Variants in UBE4B observed in about 807,000 individuals in gnomAD.
UBE4B encodes the protein ubiquitination factor E4B.
In UBE4B, 27 loss-of-function variants were observed where a neutral mutation model predicts 148.1. The observed-to-expected ratio is 0.18, with a 90% confidence interval of 0.13 to 0.25. The LOEUF (loss-of-function observed/expected upper bound fraction) is 0.25, where lower values mean the gene tolerates loss of function less well. Ranked by LOEUF, UBE4B falls within the 10% of genes least tolerant of loss-of-function variation. The probability of loss-of-function intolerance (pLI) is 1.00; values close to 1 mark genes in which losing one functional copy is unlikely to be tolerated. For synonymous variants in UBE4B, 596 were observed against 619.3 expected (o/e 0.96, Z 0.56); for missense variants, 1,170 against 1,662.4 (o/e 0.70, Z 5.15).
chr1:10,132,321 GT>G (rs1368001818), intron 14 of UBE4B, 47 bp from the exon 15 acceptor site: 1 of 1,488,878 alleles, frequency 6.7e-7, no homozygotes, highest in Middle Eastern at 1.8e-4. Flanking sequence ...AAGGAATCAT[GT>G]GCAAAATAGT....
chr1:10,095,303 T>C (rs1263826279), intron 2 of UBE4B, among the ~76,000 whole-genome samples, 158 bp from the exon 3 acceptor site: 2 of 152,206 alleles, frequency 1.3e-5, no homozygotes, highest in East Asian at 1.9e-4. Context: ...GATTTTATTA[T>C]TGTTTCCAGC....
Position 10,168,353 on chromosome 1 carries a change from G to A in UBE4B, c.3333+83G>A, listed in dbSNP as rs912612915. On this transcript the variant is annotated intron_variant, in intron 24 of 27. Coordinates refer to ENST00000343090, the MANE Select transcript of UBE4B (RefSeq NM_001105562.3). This position sits in a 1 kb window ranked among gnomAD's most constrained non-coding sequence, Gnocchi z 4.9. ...ACTTATAACTTTAGCAGTTGTTGAA[G>A]TTCTGGAAATTTTAGGATCACAGTC... 12 of 1,517,648 alleles carry A rather than the reference G, an allele frequency of 7.9e-6. No homozygotes were observed. Among genetic ancestry groups the A allele is most frequent in the Non-Finnish European group, 1.1e-5 (12 of 1,130,686 alleles). 94.0% of individuals were successfully genotyped at this position (1,517,648 alleles called of 1,614,324 possible). A position where few individuals can be genotyped will look rare whatever the true frequency, so the allele number is the denominator to read the frequency against.
intron 18 of UBE4B, among the ~76,000 whole-genome samples, chr1:10,146,668 C>T (rs1645878200): frequency 6.6e-6 from 1 of 152,104 alleles, no homozygotes; most frequent in African/African-American, 2.4e-5. Context: ...AAGGGCCTCC[C>T]TGTCGCCACC....
intron 1 of UBE4B, among the ~76,000 whole-genome samples, chr1:10,049,579 T>TAA (rs34390177): frequency 1.5e-4 from 22 of 145,534 alleles, no homozygotes; most frequent in South Asian, 6.4e-4. Flanking sequence ...ACCTTTTCTC[T>TAA]AAAAAAAAAA....
In UBE4B at chr1:10,096,449, A is replaced by C. The variant is rs939734545; in HGVS notation, c.347+853A>C. ...GCTAAACAGATGAAGAGGGGAATTA[A>C]GTCCGGGCTCGATGGCTCATGCCTG... On this transcript the variant is annotated intron_variant, in intron 3 of 27. Coordinates refer to ENST00000343090, the MANE Select transcript of UBE4B (RefSeq NM_001105562.3). Among the ~76,000 whole-genome samples, 4 of 152,130 alleles carry C rather than the reference A, an allele frequency of 2.6e-5. No homozygotes were observed. The South Asian group carries it at 8.3e-4, about 32-fold the overall frequency.
At chr1:10,045,055 A>G (rs1643885437) in intron 1 of UBE4B, among the ~76,000 whole-genome samples, 1 of 152,180 alleles carries the variant, frequency 6.6e-6, no homozygotes, top group Non-Finnish European at 1.5e-5. Flanking sequence ...TCTCCTAAGG[A>G]GGGTGCAATG....
At chr1:10,087,161 C>T (rs1644779944) in intron 2 of UBE4B, among the ~76,000 whole-genome samples, 1 of 152,074 alleles carries the variant, frequency 6.6e-6, no homozygotes, top group Non-Finnish European at 1.5e-5. Flanking sequence ...TCATTGGCTC[C>T]TCAAAGTAGA....
At chr1:10,171,472 G>A (rs1240112738) in intron 25 of UBE4B, 143 bp downstream of exon 25, 13 of 1,043,684 alleles carry the variant, frequency 1.2e-5, no homozygotes, top group Middle Eastern at 3.3e-4. Flanking sequence ...TGGGCTGGGC[G>A]CGGTGGCTCA....
intron 1 of UBE4B, 88 bp downstream of exon 1, chr1:10,033,782 C>T (rs1570748845): frequency 7.5e-7 from 1 of 1,337,982 alleles, no homozygotes. Flanking sequence ...TGCTGTCTGG[C>T]CTTTGGGCTT....
At chr1:10,035,304 T>C (rs986075260) in intron 1 of UBE4B, among the ~76,000 whole-genome samples, 2 of 143,594 alleles carry the variant, frequency 1.4e-5, no homozygotes, top group African/African-American at 5.1e-5. Flanking sequence ...GCCTGTTTTA[T>C]GTGGTTTTTT....
intron 12 of UBE4B, among the ~76,000 whole-genome samples, 182 bp from the exon 13 acceptor site, chr1:10,130,318 A>C (rs1285259608): frequency 6.6e-6 from 1 of 151,126 alleles, no homozygotes; most frequent in Non-Finnish European, 1.5e-5. Context: ...CAGGTGACCC[A>C]CCCCCACCCA....
intron 1 of UBE4B, among the ~76,000 whole-genome samples, chr1:10,038,376 G>A (rs1322012394): frequency 6.6e-6 from 1 of 152,186 alleles, no homozygotes; most frequent in Non-Finnish European, 1.5e-5. Context: ...TCTGTAAGTG[G>A]AAGAAAATTG....
At chr1:10,171,413 G>A (rs1407430564) in intron 25 of UBE4B, 84 bp downstream of exon 25, 11 of 1,490,566 alleles carry the variant, frequency 7.4e-6, no homozygotes, top group Non-Finnish European at 1.0e-5. Flanking sequence ...CTCGTCTGGT[G>A]TAAATGAAGA....
intron 1 of UBE4B, among the ~76,000 whole-genome samples, chr1:10,048,700 G>C (rs1643966455): frequency 6.6e-6 from 1 of 152,146 alleles, no homozygotes; most frequent in Non-Finnish European, 1.5e-5. Context: ...ATGGGATTTG[G>C]CGACATGGAG....
intron 25 of UBE4B, among the ~76,000 whole-genome samples, chr1:10,175,487 T>C (rs527953860): frequency 7.3e-4 from 105 of 143,606 alleles, no homozygotes; most frequent in African/African-American, 2.8e-3. Context: ...CCATCTCTAC[T>C]AAAAATACAA....
In UBE4B at chr1:10,111,044, GACACACACACACACACACACACAC is replaced by G. The variant is rs55936075; in HGVS notation, c.1196+4487_1196+4510del. On this transcript the variant is annotated intron_variant, in intron 7 of 27. Transcript: ENST00000343090. Reference sequence around the variant, plus strand: ...TCTCTCTCTGTCTTTCTCTGTCTCTGACACACACACACACACACACACACACACACACACACACACACACACACA... The same window carrying G: ...TCTCTCTCTGTCTTTCTCTGTCTCTGACACACACACACACACACACACACA... 5.3e-5 allele frequency among the ~76,000 whole-genome samples: 6 copies of G among 113,354 alleles called. No homozygotes were observed. In the East Asian group the frequency reaches 1.5e-3, roughly 28 times the overall value. The allele number at this position is 113,354 out of a possible 152,430, so 74.4% of individuals were successfully genotyped here. A position where few individuals can be genotyped will look rare whatever the true frequency, so the allele number is the denominator to read the frequency against.
chr1:10,073,875 C>G (rs896624992), intron 2 of UBE4B, among the ~76,000 whole-genome samples: 7 of 151,028 alleles, frequency 4.6e-5, no homozygotes, highest in African/African-American at 1.7e-4. Flanking sequence ...ATTCTCCATG[C>G]TCACTCTCTC....
At chr1:10,050,817 C>T (rs981208310) in intron 1 of UBE4B, among the ~76,000 whole-genome samples, 12 of 151,058 alleles carry the variant, frequency 7.9e-5, no homozygotes, top group Non-Finnish European at 1.2e-4. Context: ...CTTCCCTCCT[C>T]GGCCTCCCAA....
chr1:10,144,733 T>TAAAAA (rs765648505), intron 17 of UBE4B, among the ~76,000 whole-genome samples: 1 of 136,054 alleles, frequency 7.4e-6, no homozygotes, highest in Non-Finnish European at 1.6e-5. Flanking sequence ...GACTCTGTCT[T>TAAAAA]AAAAAAAAAA....
Sources: allele counts gnomAD v4.1 joint callset (sites outside exome capture counted in the v4.1 genomes callset), GRCh38; gene constraint gnomAD v4.1.1; non-coding constraint Gnocchi (gnomAD v3.1); transcripts MANE v1.5; gene names NCBI Gene and HGNC (gene_info 2026-07-23, HGNC 2026-07-21).